Variants in PAH observed in about 807,000 individuals in gnomAD.
PAH encodes the protein phenylalanine hydroxylase.
Under a neutral mutation model 62.0 loss-of-function variants are expected in PAH, and 64 were observed. The observed-to-expected ratio is 1.03, with a 90% CI of 0.84 to 1.27. PAH has a LOEUF of 1.27. Ranked by LOEUF, PAH falls within the 50% of genes most tolerant of loss-of-function variation. The pLI, the probability that PAH is intolerant of heterozygous loss-of-function variation, is 0.00. For missense variants in PAH, 579 were observed against 542.8 expected (o/e 1.07, Z -0.66); for synonymous variants, 195 against 196.2 (o/e 0.99, Z 0.05).
chr12:102,844,131 T>A lies in PAH; in HGVS notation c.1065+205A>T, dbSNP rs10860929. ...AGGAGGCCCCTTCTCCCCAGAGATA[T>A]GTGTACTTGCAATTCCATTTCTATC... On this transcript the variant is annotated intron_variant, in intron 10 of 12. Transcript: ENST00000553106. Among the ~76,000 whole-genome samples, 34,991 of 152,128 alleles carry A rather than the reference T, an allele frequency of 0.23. 5,126 individuals are homozygous for A. Among genetic ancestry groups the A allele is most frequent in the East Asian group, 0.75 (3,880 of 5,158 alleles).
In PAH at chr12:102,838,989, T is replaced by C; in HGVS notation, c.*186A>G. 1.6e-6 allele frequency: 1 copy of C among 621,072 alleles called. No individual in the cohort carries two copies. The highest frequency in any genetic ancestry group is 1.8e-5 in the African/African-American group (1 of 54,486). 38.5% of individuals were successfully genotyped at this position (621,072 alleles called of 1,614,324 possible). On this transcript the variant is annotated 3_prime_UTR_variant, in exon 13 of 13. Coordinates refer to ENST00000553106, the MANE Select transcript of PAH (RefSeq NM_000277.3). ...CCCCAAAAGATTTACCATTATGCTC[T>C]TGAGTATGTACTCATATCCTGTCAT... is the stretch of plus-strand genomic sequence containing the variant.
At chr12:102,866,066 C>A (rs1875942303) in intron 5 of PAH, among the ~76,000 whole-genome samples, 1 of 141,642 alleles carries the variant, frequency 7.1e-6, no homozygotes, top group African/African-American at 2.7e-5. Context: ...AGGGGAGGAA[C>A]ACAGAACCCC....
chr12:102,894,112 G>C (rs1877391713), intron 3 of PAH, among the ~76,000 whole-genome samples: 1 of 152,152 alleles, frequency 6.6e-6, no homozygotes, highest in Non-Finnish European at 1.5e-5. Flanking sequence ...ATCTTGAGTT[G>C]ATTTTTGTAT....
rs1489359882 is a variant in PAH, at chr12:102,899,889, T to G, written c.169-4971A>C. On this transcript the variant is annotated intron_variant, in intron 2 of 12. Coordinates refer to ENST00000553106, the MANE Select transcript of PAH (RefSeq NM_000277.3). The stretch of plus-strand genomic sequence containing the variant: ...AAAAAAAAAAAAAAAAAAAAAAAAG[T>G]GAGTAACAAAAACAACAACATGTAT... 3.0e-4 allele frequency among the ~76,000 whole-genome samples: 28 copies of G among 93,532 alleles called. 1 individual carries two copies. Among genetic ancestry groups the G allele is most frequent in the Admixed American group, 9.7e-4 (8 of 8,278 alleles). 61.4% of individuals were successfully genotyped at this position (93,532 alleles called of 152,430 possible).
chr12:102,889,673 T>G (rs1877198230), intron 3 of PAH, among the ~76,000 whole-genome samples: 1 of 152,166 alleles, frequency 6.6e-6, no homozygotes, highest in Non-Finnish European at 1.5e-5. Context: ...CACCATAGAT[T>G]AAACAAAACC....
intron 6 of PAH, among the ~76,000 whole-genome samples, chr12:102,854,323 G>A (rs1326475720): frequency 6.6e-6 from 1 of 152,162 alleles, no homozygotes; most frequent in Non-Finnish European, 1.5e-5. Flanking sequence ...GTAACCTGTA[G>A]TCTGTCTCCC....
intron 3 of PAH, 142 bp from the exon 4 acceptor site, chr12:102,877,692 C>T: frequency 1.4e-6 from 1 of 714,138 alleles, no homozygotes; most frequent in Non-Finnish European, 2.6e-6. Flanking sequence ...TACTATCGTT[C>T]AAAAGTTAAA....
intron 9 of PAH, among the ~76,000 whole-genome samples, chr12:102,845,469 G>A (rs192034514): frequency 6.6e-6 from 1 of 152,066 alleles, no homozygotes. Context: ...CTAAAACTTG[G>A]GGATGTTTCT....
At chr12:102,928,861 C>T (rs1334018008) in intron 1 of PAH, among the ~76,000 whole-genome samples, 1 of 152,148 alleles carries the variant, frequency 6.6e-6, no homozygotes, top group Admixed American at 6.5e-5. Flanking sequence ...TCAGCTTTTG[C>T]TGCAAGAGAG....
intron 1 of PAH, chr12:102,913,852 A>G (rs1270398563): frequency 1.4e-6 from 1 of 702,056 alleles, no homozygotes; most frequent in Non-Finnish European, 2.6e-6. Context: ...GACATTCCAG[A>G]GTTTGCTAAA....
At chr12:102,875,053 G>C (rs147233285) in intron 4 of PAH, among the ~76,000 whole-genome samples, 1 of 151,526 alleles carries the variant, frequency 6.6e-6, no homozygotes, top group African/African-American at 2.5e-5. Context: ...TGTGGGCCCC[G>C]GGGTCTCTGG....
At chr12:102,893,401 AAAAAAT>A (rs1555207845) in intron 3 of PAH, among the ~76,000 whole-genome samples, 6 of 144,416 alleles carry the variant, frequency 4.2e-5, no homozygotes, top group South Asian at 2.2e-4. Flanking sequence ...ATTCTGTCTA[AAAAAAT>A]AAAAATAAAA....
At chr12:102,892,052 A>G (rs576022624) in intron 3 of PAH, among the ~76,000 whole-genome samples, 2 of 152,352 alleles carry the variant, frequency 1.3e-5, no homozygotes, top group Non-Finnish European at 2.9e-5. Context: ...AAGGCAGGAT[A>G]GGACTAATCC....
intron 5 of PAH, 128 bp from the exon 6 acceptor site, chr12:102,855,460 A>G: frequency 1.4e-6 from 1 of 710,564 alleles, no homozygotes; most frequent in Non-Finnish European, 2.5e-6. Flanking sequence ...TGAATTTCAT[A>G]CATTATTTGA....
intron 1 of PAH, among the ~76,000 whole-genome samples, chr12:102,932,110 C>A (rs1208254194): frequency 6.6e-6 from 1 of 152,154 alleles, no homozygotes; most frequent in Non-Finnish European, 1.5e-5. Flanking sequence ...GACTTATCAT[C>A]TGTGTTACCT....
At chr12:102,889,384 A>G (rs1200352423) in intron 3 of PAH, among the ~76,000 whole-genome samples, 2 of 151,868 alleles carry the variant, frequency 1.3e-5, no homozygotes, top group African/African-American at 2.4e-5. Context: ...CACAGTAATC[A>G]TAAGTGTTCC....
intron 3 of PAH, among the ~76,000 whole-genome samples, chr12:102,882,535 G>C (rs1261681846): frequency 1.3e-5 from 2 of 151,340 alleles, no homozygotes; most frequent in South Asian, 4.2e-4. Flanking sequence ...GCACATAGTA[G>C]ACAGTATTAC....
chr12:102,899,023 G>A (rs992046380), intron 2 of PAH, among the ~76,000 whole-genome samples: 3 of 152,174 alleles, frequency 2.0e-5, no homozygotes, highest in Admixed American at 2.0e-4. Flanking sequence ...GAATAGTGAG[G>A]AGGTAATGCC....
At chr12:102,929,998 A>G (rs1878804695) in intron 1 of PAH, among the ~76,000 whole-genome samples, 1 of 152,086 alleles carries the variant, frequency 6.6e-6, no homozygotes, top group Non-Finnish European at 1.5e-5. Context: ...AAGTTAGGGA[A>G]CTTCTATTAT....
Sources: allele counts gnomAD v4.1 joint callset (sites outside exome capture counted in the v4.1 genomes callset), GRCh38; gene constraint gnomAD v4.1.1; transcripts MANE v1.5; gene names NCBI Gene and HGNC (gene_info 2026-07-23, HGNC 2026-07-21).